The following PCDHA3 variants were observed in gnomAD, a reference collection of about 807,000 sequenced individuals.
PCDHA3 encodes the protein protocadherin alpha 3, also known as protocadherin alpha-3.
In PCDHA3, 41 loss-of-function variants were observed where a neutral mutation model predicts 62.2. That is an observed-to-expected ratio of 0.66 (90% CI 0.51 to 0.86). The LOEUF (loss-of-function observed/expected upper bound fraction) is 0.86. Ranked by LOEUF, PCDHA3 falls within the 40% of genes least tolerant of loss-of-function variation. The probability of loss-of-function intolerance (pLI) is 0.00; values close to 1 mark genes in which losing one functional copy is unlikely to be tolerated. For missense variants in PCDHA3, 1,304 were observed against 1,241.2 expected, an observed-to-expected ratio of 1.05 and a Z score of -0.76; for synonymous variants, 640 against 555.4, an observed-to-expected ratio of 1.15 and a Z score of -2.14.
intron 1 of PCDHA3, among the ~76,000 whole-genome samples, chr5:140,905,357 A>G (rs1280254509): frequency 1.3e-5 from 2 of 152,052 alleles, no homozygotes; most frequent in African/African-American, 4.8e-5. Flanking sequence ...GTATTTGACT[A>G]TATTTCTGGT....
intron 1 of PCDHA3, among the ~76,000 whole-genome samples, chr5:140,878,864 A>G (rs1465235970): frequency 1.3e-5 from 2 of 152,152 alleles, no homozygotes; most frequent in Non-Finnish European, 2.9e-5. Flanking sequence ...CTGATCCTCC[A>G]TTTCAGCCTT....
rs140380568 is a variant in PCDHA3, at chr5:140,850,532, G to T, written c.2394+46941G>T. On this transcript the variant is annotated intron_variant, in intron 1 of 3. Coordinates refer to ENST00000522353, the MANE Select transcript of PCDHA3 (RefSeq NM_018906.3). ...AGAGCGGCCAGGCGCCAAAGTCATC[G>T]TCGCGGGCGTCAGTGGGTGCCACGG... is the stretch of plus-strand genomic sequence containing the variant. 5.9e-5 allele frequency: 94 copies of T among 1,598,250 alleles called. 12 individuals carry two copies. Among genetic ancestry groups the T allele is most frequent in the Non-Finnish European group, 7.6e-5 (89 of 1,167,856 alleles).
intron 3 of PCDHA3, among the ~76,000 whole-genome samples, chr5:140,999,223 G>A (rs1554256702): frequency 3.3e-5 from 5 of 152,316 alleles, no homozygotes; most frequent in African/African-American, 1.2e-4. Flanking sequence ...TACTACATTT[G>A]AGAATAGGTG....
At chr5:140,994,759 G>C (rs1193190612) in intron 3 of PCDHA3, among the ~76,000 whole-genome samples, 3 of 152,130 alleles carry the variant, frequency 2.0e-5, no homozygotes, top group African/African-American at 7.2e-5. Flanking sequence ...ATGTGGAGAG[G>C]AAGAGAATTC....
intron 1 of PCDHA3, chr5:140,851,195 TAGTC>T (rs1233299239): frequency 1.2e-5 from 14 of 1,207,754 alleles, no homozygotes; most frequent in Non-Finnish European, 1.5e-5. Context: ...ATTTAGTTGT[TAGTC>T]ATTCATTAAA....
At chr5:140,968,641 C>T (rs782760741) in intron 1 of PCDHA3, 12 of 1,614,006 alleles carry the variant, frequency 7.4e-6, no homozygotes, top group East Asian at 4.5e-5. Context: ...ACCATCTAGC[C>T]CAGACTTCTG....
rs782009767 is a variant in PCDHA3, at chr5:140,830,181, A to T, written c.2394+26590A>T. On this transcript the variant is annotated intron_variant, in intron 1 of 3. Coordinates refer to ENST00000522353, the MANE Select transcript of PCDHA3 (RefSeq NM_018906.3). ...CCAGAGGCGGCGCTGGTGGATGTCA[A>T]CGTGTACCTGATCATCGCCATCTGC... 7 of 1,613,474 alleles carry T rather than the reference A, an allele frequency of 4.3e-6. No individual in the cohort carries two copies. In the Admixed American group the frequency reaches 1.0e-4, roughly 23 times the overall value.
chr5:140,802,186 T>C lies in PCDHA3; in HGVS notation c.989T>C (p.Met330Thr), dbSNP rs782273094. ...VEATDKGNPP[M>T]SDHCTVLLEI... ...GCCACGGATAAAGGAAATCCCCCAA[T>C]GTCAGATCACTGCACAGTTCTACTC... Residue 330 changes from methionine to threonine, a missense_variant, in exon 1 of 4, where the codon ATG becomes ACG. By Grantham distance (81) the Met-to-Thr change is moderately conservative (BLOSUM62 -1). Coordinates refer to ENST00000522353, the MANE Select transcript of PCDHA3 (RefSeq NM_018906.3). The C allele has an allele frequency of 2.5e-6, 4 of 1,614,226 alleles. No individual in the cohort carries two copies. The highest frequency in any genetic ancestry group is 2.2e-5 in the East Asian group (1 of 44,886).
chr5:140,801,944 C>A lies in PCDHA3; in HGVS notation c.747C>A (p.Val249=). The A allele has an allele frequency of 6.2e-7, 1 of 1,614,178 alleles. No individual in the cohort carries two copies. Among genetic ancestry groups the A allele is most frequent in the African/African-American group, 1.3e-5 (1 of 75,046 alleles). Residue 249 remains valine, a synonymous_variant, in exon 1 of 4, where the codon GTC becomes GTA. Transcript: ENST00000522353. The stretch of plus-strand genomic sequence containing the variant: ...CGTTTGAGAGGACGATCTATAAAGT[C>A]AGATTACTCGAAAATGCACCAAATG... ...APAFERTIYK[V]RLLENAPNGT... is the part of the protein sequence containing the mutation.
chr5:140,978,810 G>C, intron 1 of PCDHA3, 139 bp from the exon 2 acceptor site: 2 of 1,500,034 alleles, frequency 1.3e-6, no homozygotes, highest in Non-Finnish European at 1.8e-6. Flanking sequence ...TATCATCATA[G>C]AGTTACACAT....
In PCDHA3 at chr5:140,922,940, G is replaced by A. The variant is rs138846807; in HGVS notation, c.2395-56009G>A. 4.7e-3 allele frequency among the ~76,000 whole-genome samples: 717 copies of A among 152,280 alleles called. 4 individuals carry two copies. Among genetic ancestry groups the A allele is most frequent in the Middle Eastern group, 0.021 (6 of 292 alleles). On this transcript the variant is annotated intron_variant, in intron 1 of 3. Coordinates refer to ENST00000522353, the MANE Select transcript of PCDHA3 (RefSeq NM_018906.3). Reference sequence around the variant, plus strand: ...ACTTCAGACTTTTACTTCCAGCAATGGAAATCCAGTTTGTCTTCAGCCAGT... The same window carrying A: ...ACTTCAGACTTTTACTTCCAGCAATAGAAATCCAGTTTGTCTTCAGCCAGT...
intron 1 of PCDHA3, among the ~76,000 whole-genome samples, chr5:140,897,022 A>G (rs1009125089): frequency 2.6e-5 from 4 of 152,142 alleles, no homozygotes; most frequent in Non-Finnish European, 2.9e-5. Flanking sequence ...CAACTAAATT[A>G]TTTAGACCAT....
intron 1 of PCDHA3, chr5:140,857,988 T>A (rs370495338): frequency 6.3e-7 from 1 of 1,596,894 alleles, no homozygotes; most frequent in South Asian, 1.1e-5. Context: ...CAGCGCCTAC[T>A]GGTGCTGGTG....
rs536608044 is a variant in PCDHA3 at position 140,809,816 on chromosome 5, T to C, written c.2394+6225T>C. On this transcript the variant is annotated intron_variant, in intron 1 of 3. Coordinates refer to ENST00000522353, the MANE Select transcript of PCDHA3 (RefSeq NM_018906.3). ...TGTAATTTCTAGTAAATTTTCACTATATTCACCCTCTTTGTTTTTGGTAAT... is the reference window on the plus strand; with the variant it reads ...TGTAATTTCTAGTAAATTTTCACTACATTCACCCTCTTTGTTTTTGGTAAT... 8 of 407,052 alleles carry C rather than the reference T, an allele frequency of 2.0e-5. No homozygotes were observed. The South Asian group carries it at 4.1e-4, about 21-fold the overall frequency. The allele number at this position is 407,052 out of a possible 1,614,324, so 25.2% of individuals were successfully genotyped here.
chr5:140,801,064 A>G lies in PCDHA3; in HGVS notation c.-134A>G, dbSNP rs1554121269. ...AAAGAAATAACAGCGTGCATTACGT[A>G]TTCAGATACTGCTTTGCTTCATCCT... is the stretch of plus-strand genomic sequence containing the variant. On this transcript the variant is annotated 5_prime_UTR_variant, in exon 1 of 4. Coordinates refer to ENST00000522353, the MANE Select transcript of PCDHA3 (RefSeq NM_018906.3). 2 of 1,459,182 alleles carry G rather than the reference A, an allele frequency of 1.4e-6. No homozygotes were observed. Among genetic ancestry groups the G allele is most frequent in the African/African-American group, 1.4e-5 (1 of 70,740 alleles). The allele number at this position is 1,459,182 out of a possible 1,614,324, so 90.4% of individuals were successfully genotyped here. A position where few individuals can be genotyped will look rare whatever the true frequency, so the allele number is the denominator to read the frequency against.
At chr5:140,958,326 A>T (rs1440413634) in intron 1 of PCDHA3, among the ~76,000 whole-genome samples, 1 of 152,150 alleles carries the variant, frequency 6.6e-6, no homozygotes, top group Non-Finnish European at 1.5e-5. Flanking sequence ...CTCAAAAAAT[A>T]AATAAATCAC....
chr5:140,809,062 G>A (rs781986563), intron 1 of PCDHA3: 1 of 1,613,900 alleles, frequency 6.2e-7, no homozygotes, highest in Non-Finnish European at 8.5e-7. Flanking sequence ...TCCGCGTGGG[G>A]CTGTACACTG....
chr5:140,803,267 A>C lies in PCDHA3; in HGVS notation c.2070A>C (p.Glu690Asp). The C allele has an allele frequency of 1.9e-6, 3 of 1,613,980 alleles. No individual in the cohort carries two copies. The South Asian group carries it at 3.3e-5, about 18-fold the overall frequency. ...SQASAGATGP[E>D]AALVDVNVYL... The stretch of plus-strand genomic sequence containing the variant: ...CGTCCGCTGGCGCCACGGGCCCGGA[A>C]GCTGCACTGGTGGATGTCAACGTGT... The change falls in exon 1 of 4, where the codon GAA (glutamate) becomes GAC (aspartate). Residue 690 changes from glutamate to aspartate, a missense_variant. Physicochemically the swap from Glu to Asp is conservative, Grantham distance 45. Coordinates refer to ENST00000522353, the MANE Select transcript of PCDHA3 (RefSeq NM_018906.3).
chr5:140,862,537 C>G (rs56017024), intron 1 of PCDHA3: 1 of 440,558 alleles, frequency 2.3e-6, no homozygotes, highest in Non-Finnish European at 4.6e-6. Context: ...CCATCGGGTC[C>G]GTGGAAGTGG....
Sources: allele counts gnomAD v4.1 joint callset (sites outside exome capture counted in the v4.1 genomes callset), GRCh38; gene constraint gnomAD v4.1.1; transcripts MANE v1.5; gene names NCBI Gene and HGNC (gene_info 2026-07-23, HGNC 2026-07-21).